The following CPLX2 variants were observed in gnomAD, a reference collection of about 807,000 sequenced individuals.
CPLX2 encodes the protein complexin 2.
A neutral mutation model predicts 16.3 loss-of-function variants in CPLX2; 5 were observed. That is an observed-to-expected ratio of 0.31 (90% CI 0.16 to 0.64). CPLX2 has a LOEUF of 0.64. Among genes scored for constraint, CPLX2 ranks in the 30% least tolerant of loss-of-function variants. The probability of loss-of-function intolerance (pLI) is 0.79; values close to 1 mark genes in which losing one functional copy is unlikely to be tolerated. For missense variants in CPLX2, 144 were observed against 181.4 expected (o/e 0.79, Z 1.18); for synonymous variants, 89 against 73.2 (o/e 1.22, Z -1.10).
chr5:175,836,086 C>T (rs781598958), intron 2 of CPLX2, among the ~76,000 whole-genome samples: 3 of 152,156 alleles, frequency 2.0e-5, no homozygotes, highest in African/African-American at 7.2e-5. Context: ...CGCGGTGGCT[C>T]ACGCCTGTAA....
At chr5:175,798,507 C>T (rs895895426) in intron 1 of CPLX2, among the ~76,000 whole-genome samples, 5 of 152,078 alleles carry the variant, frequency 3.3e-5, no homozygotes, top group Admixed American at 3.3e-4. Context: ...GAGTCACGAA[C>T]TGTAAGGAAA....
chr5:175,864,509 T>C (rs1249426960), intron 2 of CPLX2, among the ~76,000 whole-genome samples: 2 of 152,154 alleles, frequency 1.3e-5, no homozygotes, highest in African/African-American at 4.8e-5. Context: ...CGGGCATCTG[T>C]CTCCCACTTG....
chr5:175,819,284 C>T (rs753122228), intron 2 of CPLX2, among the ~76,000 whole-genome samples: 1 of 152,148 alleles, frequency 6.6e-6, no homozygotes, highest in Non-Finnish European at 1.5e-5. Flanking sequence ...CTGCATCACA[C>T]GAGATGCGGG....
chr5:175,797,618 T>A (rs1758014013), intron 1 of CPLX2, among the ~76,000 whole-genome samples: 1 of 151,908 alleles, frequency 6.6e-6, no homozygotes, highest in Non-Finnish European at 1.5e-5. Flanking sequence ...CTAGAAAGTG[T>A]GAGGCTGAGT....
chr5:175,804,996 G>T (rs1275422563), intron 1 of CPLX2, among the ~76,000 whole-genome samples: 2 of 152,166 alleles, frequency 1.3e-5, no homozygotes, highest in Non-Finnish European at 2.9e-5. Context: ...GTAAAATGGG[G>T]ATAATAATTA....
intron 1 of CPLX2, among the ~76,000 whole-genome samples, chr5:175,806,196 C>CT (rs5873513): frequency 0.81 from 119,074 of 147,918 alleles, 47,844 homozygotes; most frequent in East Asian, 0.85. Flanking sequence ...ACCCGCCAGT[C>CT]TTTTTTTTTT....
chr5:175,827,036 T>C (rs535287544), intron 2 of CPLX2, among the ~76,000 whole-genome samples: 1 of 152,200 alleles, frequency 6.6e-6, no homozygotes, highest in East Asian at 1.9e-4. Flanking sequence ...CGTCACAGGG[T>C]GGTTTCTGCT....
At chr5:175,810,743 AT>A (rs1758297834) in intron 2 of CPLX2, among the ~76,000 whole-genome samples, 1 of 152,204 alleles carries the variant, frequency 6.6e-6, no homozygotes, top group Non-Finnish European at 1.5e-5. Context: ...TAATGAATCA[AT>A]TTTATTAATA....
At chr5:175,847,868 C>T (rs1272770137) in intron 2 of CPLX2, among the ~76,000 whole-genome samples, 1 of 152,198 alleles carries the variant, frequency 6.6e-6, no homozygotes, top group Non-Finnish European at 1.5e-5. Flanking sequence ...TCTGTCAGTC[C>T]CCCCGTGAGG....
Position 175,879,949 on chromosome 5 carries a change from G to A in CPLX2, c.309G>A (p.Ala103=), listed in dbSNP as rs150632571. 8.6e-5 allele frequency: 139 copies of A among 1,614,004 alleles called. 1 individual carries two copies. The African/African-American group carries it at 1.1e-3, about 13-fold the overall frequency. ...CCCGGCCCAAGAAGGCCATCCCTGC[G>A]GGCTGCGGGGACGAGGAGGAGGAGG... ...SLTRPKKAIP[A]GCGDEEEEEE... Residue 103 remains alanine, a synonymous_variant, in exon 4 of 4, where the codon GCG becomes GCA. Coordinates refer to ENST00000393745, the MANE Select transcript of CPLX2 (RefSeq NM_001008220.2).
intron 2 of CPLX2, among the ~76,000 whole-genome samples, chr5:175,829,850 C>T (rs1175498440): frequency 2.6e-5 from 4 of 152,222 alleles, no homozygotes; most frequent in Non-Finnish European, 4.4e-5. Context: ...AGGACTCTCA[C>T]GCAGACCTAG....
chr5:175,870,107 C>A (rs1380580371), upstream of CPLX2, among the ~76,000 whole-genome samples: 1 of 152,196 alleles, frequency 6.6e-6, no homozygotes, highest in Admixed American at 6.5e-5. Context: ...ACTGCCATCC[C>A]CCTCTTAGTA....
chr5:175,847,678 AG>A (rs1269279708), intron 2 of CPLX2, among the ~76,000 whole-genome samples: 6 of 152,198 alleles, frequency 3.9e-5, no homozygotes, highest in Admixed American at 3.9e-4. Context: ...CAACTCCTGC[AG>A]GGGGCATGAG....
In CPLX2 at chr5:175,828,924, C is replaced by G. The variant is rs79088154; in HGVS notation, c.-89+19856C>G. On this transcript the variant is annotated intron_variant, in intron 2 of 4. Transcript: ENST00000359546. ...TCATGGCCATGGGGGATGCCTCCCCCATCTGACAGGTGGAGAAGTGAGGTC... is the reference window on the plus strand; with the variant it reads ...TCATGGCCATGGGGGATGCCTCCCCGATCTGACAGGTGGAGAAGTGAGGTC... 1.4e-4 allele frequency among the ~76,000 whole-genome samples: 22 copies of G among 152,304 alleles called. No individual in the cohort carries two copies. The East Asian group carries it at 3.9e-3, about 27-fold the overall frequency.
rs907634899 is a variant in CPLX2 at position 175,808,010 on chromosome 5, G to A, written c.-168-979G>A. Among the ~76,000 whole-genome samples, 15 of 152,268 alleles carry A rather than the reference G, an allele frequency of 9.9e-5. 1 individual carries two copies. Among genetic ancestry groups the A allele is most frequent in the Admixed American group, 6.5e-5 (1 of 15,290 alleles). ...TGGAGCCACTGAGAGCAGGGCTATC[G>A]TTACTAAAAGAAGAGGAAATAGAGA... On this transcript the variant is annotated intron_variant, in intron 1 of 4. Coordinates refer to the CPLX2 transcript ENST00000359546.
At chr5:175,826,486 A>G (rs1758617737) in intron 2 of CPLX2, among the ~76,000 whole-genome samples, 1 of 152,212 alleles carries the variant, frequency 6.6e-6, no homozygotes, top group African/African-American at 2.4e-5. Flanking sequence ...AAAGATCTCT[A>G]TGAGAATCAA....
intron 2 of CPLX2, among the ~76,000 whole-genome samples, chr5:175,838,725 A>G (rs1478460764): frequency 6.6e-6 from 1 of 152,146 alleles, no homozygotes; most frequent in African/African-American, 2.4e-5. Flanking sequence ...CTCATAGGCC[A>G]CCGCAGGGAA....
chr5:175,802,606 G>A (rs1758120248), intron 1 of CPLX2, among the ~76,000 whole-genome samples: 1 of 152,150 alleles, frequency 6.6e-6, no homozygotes, highest in East Asian at 1.9e-4. Flanking sequence ...ACTCAGCCCT[G>A]GCTCTCACAT....
upstream of CPLX2, among the ~76,000 whole-genome samples, chr5:175,866,655 A>G (rs746562818): frequency 6.6e-6 from 1 of 152,078 alleles, no homozygotes; most frequent in Non-Finnish European, 1.5e-5. Flanking sequence ...GCTGGGAGAG[A>G]GGCTCTGAGT....
Sources: allele counts gnomAD v4.1 joint callset (sites outside exome capture counted in the v4.1 genomes callset), GRCh38; gene constraint gnomAD v4.1.1; transcripts MANE v1.5; gene names NCBI Gene and HGNC (gene_info 2026-07-23, HGNC 2026-07-21).